Variants in GRIK4 observed in about 807,000 individuals in gnomAD.
GRIK4 encodes glutamate receptor ionotropic, kainate 4.
In GRIK4, 40 loss-of-function variants were observed where a neutral mutation model predicts 104.9. The ratio of observed to expected loss-of-function variants is 0.38; its 90% confidence interval spans 0.30 to 0.50. GRIK4 has a LOEUF of 0.50. Among genes scored for constraint, GRIK4 ranks in the 20% least tolerant of loss-of-function variants. The pLI is 0.93. For synonymous variants in GRIK4, 485 were observed against 524.9 expected (o/e 0.92, Z 1.04); for missense variants, 1,047 against 1,308.1 (o/e 0.80, Z 3.08).
At chr11:120,753,301 G>GTGTGTT (rs1951590177) in intron 3 of GRIK4, among the ~76,000 whole-genome samples, 1 of 71,722 alleles carries the variant, frequency 1.4e-5, no homozygotes, top group Non-Finnish European at 3.3e-5. Context: ...ACAACTCTGT[G>GTGTGTT]TGTGTGTGTG....
intron 1 of GRIK4, among the ~76,000 whole-genome samples, chr11:120,631,813 C>G (rs1014247971): frequency 1.3e-5 from 2 of 152,120 alleles, no homozygotes; most frequent in African/African-American, 2.4e-5. Context: ...TACTCCAGAG[C>G]TCCTACGACA....
chr11:120,818,821 A>C (rs927919933), intron 5 of GRIK4, among the ~76,000 whole-genome samples: 2 of 152,214 alleles, frequency 1.3e-5, no homozygotes, highest in Non-Finnish European at 2.9e-5. Flanking sequence ...GCTGTCTACT[A>C]TCGATCTTCC....
At chr11:120,664,054 T>C (rs1241473003) in intron 3 of GRIK4, among the ~76,000 whole-genome samples, 3 of 152,234 alleles carry the variant, frequency 2.0e-5, no homozygotes, top group Admixed American at 6.5e-5. Context: ...CAACACATGA[T>C]GCAAAGAAGT....
At chr11:120,571,865 T>C (rs950361540) in intron 1 of GRIK4, among the ~76,000 whole-genome samples, 7 of 152,054 alleles carry the variant, frequency 4.6e-5, no homozygotes, top group African/African-American at 1.7e-4. Flanking sequence ...GTGGGGAACA[T>C]GTTGGGGAAC....
At chr11:120,585,392 C>A (rs1238418737) in intron 1 of GRIK4, among the ~76,000 whole-genome samples, 1 of 150,918 alleles carries the variant, frequency 6.6e-6, no homozygotes, top group Non-Finnish European at 1.5e-5. Flanking sequence ...CTCTGTAGCC[C>A]AGGCCGAGGT....
At chr11:120,849,262 A>G (rs1953923284) in intron 8 of GRIK4, among the ~76,000 whole-genome samples, 1 of 152,068 alleles carries the variant, frequency 6.6e-6, no homozygotes, top group African/African-American at 2.4e-5. Flanking sequence ...TAAGAACAAG[A>G]CCCTGGAGAC....
intron 3 of GRIK4, among the ~76,000 whole-genome samples, chr11:120,726,917 A>G (rs74907612): frequency 2.4e-3 from 373 of 152,338 alleles, no homozygotes; most frequent in African/African-American, 8.6e-3. Context: ...TTACAATAAA[A>G]CTAGGTGACG....
At chr11:120,892,647 G>A (rs1955338566) in intron 11 of GRIK4, among the ~76,000 whole-genome samples, 7 of 152,154 alleles carry the variant, frequency 4.6e-5, no homozygotes, top group Admixed American at 4.6e-4. Context: ...CTGGGTGCAG[G>A]ACTTTCTGCA....
chr11:120,609,540 T>C (rs1170099451), intron 1 of GRIK4, among the ~76,000 whole-genome samples: 1 of 78,694 alleles, frequency 1.3e-5, no homozygotes, highest in Admixed American at 1.8e-4. Flanking sequence ...TTTTTTTTTT[T>C]TTTTGAGACA....
At chr11:120,920,214 TG>T (rs2134564209) in intron 13 of GRIK4, among the ~76,000 whole-genome samples, 1 of 152,298 alleles carries the variant, frequency 6.6e-6, no homozygotes, top group South Asian at 2.1e-4. Context: ...TACCCACCCC[TG>T]GATTACTATG....
At chr11:120,518,784 A>C (rs1947760531) in intron 1 of GRIK4, among the ~76,000 whole-genome samples, 1 of 152,012 alleles carries the variant, frequency 6.6e-6, no homozygotes, top group Non-Finnish European at 1.5e-5. Flanking sequence ...ACCCCCGGCT[A>C]ATTTTTTTGT....
chr11:120,895,049 G>A (rs1013553229), intron 11 of GRIK4, among the ~76,000 whole-genome samples: 4 of 152,138 alleles, frequency 2.6e-5, no homozygotes, highest in Non-Finnish European at 4.4e-5. Flanking sequence ...TCTCTTTGCC[G>A]TGTCCCCAGA....
chr11:120,559,072 C>T (rs1355011862), intron 1 of GRIK4, among the ~76,000 whole-genome samples: 1 of 152,190 alleles, frequency 6.6e-6, no homozygotes. Context: ...TCTCTGTTCT[C>T]AGCTGGGGGT....
At chr11:120,985,856 A>G in intron 20 of GRIK4, 48 bp from the exon 21 acceptor site, 1 of 1,540,020 alleles carries the variant, frequency 6.5e-7, no homozygotes, top group South Asian at 1.2e-5. Context: ...CAGGGGGCCC[A>G]CGGGGGCTGG....
In GRIK4 at chr11:120,967,299, A is replaced by G; in HGVS notation, c.2371A>G (p.Lys791Glu). ...ATGGTGGGAAGGAGGGAAGTGCCCC[A>G]AGGAGGAAGATCACAGAGCTAAAGG... ...RKWWEGGKCP[K>E]EEDHRAKGLG... Residue 791 changes from lysine to glutamate, a missense_variant, in exon 19 of 21, where the codon AAG becomes GAG. Lys to Glu is a moderately conservative substitution (Grantham distance 56). This residue lies in a region of GRIK4 where 440 missense variants were observed against 652.3 expected (regional missense o/e 0.67). Transcript: ENST00000527524. This position sits in a 1 kb window ranked among gnomAD's most constrained non-coding sequence, Gnocchi z 4.2. 1 of 1,613,772 alleles carries G rather than the reference A, an allele frequency of 6.2e-7. No individual in the cohort carries two copies. Among genetic ancestry groups the G allele is most frequent in the Non-Finnish European group, 8.5e-7 (1 of 1,179,806 alleles).
rs540828693 is a variant in GRIK4 at position 120,577,953 on chromosome 11, A to G, written c.-159+66066A>G. 2.0e-5 allele frequency among the ~76,000 whole-genome samples: 3 copies of G among 152,290 alleles called. No homozygotes were observed. The East Asian group carries it at 5.8e-4, about 29-fold the overall frequency. On this transcript the variant is annotated intron_variant, in intron 1 of 20. Transcript: ENST00000527524. ...AGACTTCCTTTCCTCCATCCCCTGT[A>G]GTGGCTTCTCAGAGCCTTGGTCTGG...
chr11:120,859,729 T>C (rs1954210868), intron 8 of GRIK4, among the ~76,000 whole-genome samples: 1 of 152,228 alleles, frequency 6.6e-6, no homozygotes, highest in South Asian at 2.1e-4. Context: ...CCACAGCACA[T>C]GGGCAGCTGC....
chr11:120,864,905 C>T (rs1265886079), intron 9 of GRIK4, among the ~76,000 whole-genome samples: 1 of 152,206 alleles, frequency 6.6e-6, no homozygotes, highest in Non-Finnish European at 1.5e-5. Flanking sequence ...CTGGCCTTGA[C>T]ATTTTCTCAC....
intron 13 of GRIK4, among the ~76,000 whole-genome samples, chr11:120,921,559 C>G (rs1441251436): frequency 6.6e-6 from 1 of 152,036 alleles, no homozygotes; most frequent in Non-Finnish European, 1.5e-5. Flanking sequence ...CAGGAGGTGG[C>G]TGCCCTCCCG....
Sources: gnomAD v4.1 joint callset for allele counts (sites outside exome capture counted in the v4.1 genomes callset) on GRCh38, gnomAD v4.1.1 for gene constraint, gnomAD v4.1.1 regional missense constraint, Gnocchi (gnomAD v3.1) non-coding constraint, MANE v1.5 for transcripts, NCBI Gene and HGNC (gene_info 2026-07-23, HGNC 2026-07-21) for gene names.